The following RSRC1 variants were observed in gnomAD, a reference collection of about 807,000 sequenced individuals.
RSRC1 encodes the protein arginine and serine rich coiled-coil 1.
A neutral mutation model predicts 49.1 loss-of-function variants in RSRC1; 39 were observed. The observed-to-expected ratio is 0.79, with a 90% CI of 0.61 to 1.04. The LOEUF (loss-of-function observed/expected upper bound fraction) is 1.04, where lower values mean the gene tolerates loss of function less well. Ranked by LOEUF, RSRC1 falls within the 50% of genes least tolerant of loss-of-function variation. RSRC1 has a pLI of 0.00. For synonymous variants in RSRC1, 143 were observed against 130.8 expected, an observed-to-expected ratio of 1.09 and a Z score of -0.63; for missense variants, 388 against 402.4, an observed-to-expected ratio of 0.96 and a Z score of 0.31.
chr3:158,422,160 G>T (rs1735101331), intron 6 of RSRC1, among the ~76,000 whole-genome samples: 1 of 150,720 alleles, frequency 6.6e-6, no homozygotes, highest in African/African-American at 2.4e-5. Context: ...GTGCCATGCT[G>T]GTGCGCTGCA....
At chr3:158,321,816 G>A (rs827120) in intron 5 of RSRC1, among the ~76,000 whole-genome samples, 91,672 of 151,952 alleles carry the variant, frequency 0.6, 27,955 homozygotes, top group East Asian at 0.74. Context: ...ATAAAATGTA[G>A]GAGCTTTGTA....
At chr3:158,301,317 A>C (rs2108123961) in intron 5 of RSRC1, among the ~76,000 whole-genome samples, 1 of 152,246 alleles carries the variant, frequency 6.6e-6, no homozygotes, top group Admixed American at 6.5e-5. Context: ...TGATTGCAAA[A>C]TATAGATTTT....
chr3:158,412,402 G>A (rs1229703916), intron 6 of RSRC1, among the ~76,000 whole-genome samples: 1 of 152,034 alleles, frequency 6.6e-6, no homozygotes, highest in Non-Finnish European at 1.5e-5. Flanking sequence ...TCCTTTTCTT[G>A]GCTAAAATTT....
rs1030198995 is a variant in RSRC1 at position 158,122,220 on chromosome 3, A to G, written c.116A>G (p.Lys39Arg). Residue 39 changes from lysine (K) to arginine (R), a missense_variant, in exon 2 of 10, where the codon AAA becomes AGA. Lys to Arg is a conservative substitution (Grantham distance 26, BLOSUM62 2). Coordinates refer to ENST00000611884, the MANE Select transcript of RSRC1 (RefSeq NM_001271838.2). ...GATAGTAGAACATACAGCCGAAAGA[A>G]AGGAGGAAGGAAATCAAGATCAAAG... ...SSDSRTYSRK[K>R]GGRKSRSKSR... 2 of 1,607,212 alleles carry G rather than the reference A, an allele frequency of 1.2e-6. No individual in the cohort carries two copies. Among genetic ancestry groups the G allele is most frequent in the South Asian group, 1.1e-5 (1 of 90,536 alleles).
At chr3:158,415,295 T>C (rs1008136884) in intron 6 of RSRC1, among the ~76,000 whole-genome samples, 2 of 152,100 alleles carry the variant, frequency 1.3e-5, no homozygotes, top group African/African-American at 4.8e-5. Context: ...TTTTTGTGTG[T>C]GTGAGGAAAT....
At chr3:158,119,172 T>G (rs6803532) in intron 1 of RSRC1, among the ~76,000 whole-genome samples, 98,397 of 151,718 alleles carry the variant, frequency 0.65, 32,172 homozygotes, top group East Asian at 0.83. Context: ...ATCAATTTTT[T>G]TTTTGTTTTT....
rs982376297 is a variant in RSRC1 at position 158,379,237 on chromosome 3, G to T, written c.583+24329G>T. Among the ~76,000 whole-genome samples, 3 of 117,228 alleles carry T rather than the reference G, an allele frequency of 2.6e-5. No individual in the cohort carries two copies. In the East Asian group the frequency reaches 7.5e-4, roughly 29 times the overall value. The allele number at this position is 117,228 out of a possible 152,430, so 76.9% of individuals were successfully genotyped here. On this transcript the variant is annotated intron_variant, in intron 6 of 9. Coordinates refer to ENST00000611884, the MANE Select transcript of RSRC1 (RefSeq NM_001271838.2). ...TTTTTTTGAGACCGAGTCTCGCTCT[G>T]TCGCCCAGGCTGGAGTGCAGTGGCG...
intron 4 of RSRC1, among the ~76,000 whole-genome samples, chr3:158,235,582 G>GTTCGT (rs1723193895): frequency 1.3e-5 from 2 of 152,022 alleles, no homozygotes; most frequent in Non-Finnish European, 2.9e-5. Context: ...AAAATGATGA[G>GTTCGT]TTCATATATA....
intron 7 of RSRC1, among the ~76,000 whole-genome samples, chr3:158,498,424 T>G (rs1216602357): frequency 6.6e-6 from 1 of 152,142 alleles, no homozygotes; most frequent in Non-Finnish European, 1.5e-5. Context: ...TTTGTTTTGT[T>G]TTGTTTTCTT....
At chr3:158,306,438 T>A (rs1294349385) in intron 5 of RSRC1, among the ~76,000 whole-genome samples, 2 of 151,984 alleles carry the variant, frequency 1.3e-5, no homozygotes, top group Non-Finnish European at 2.9e-5. Flanking sequence ...TATTACTATA[T>A]CATTTAAAGC....
chr3:158,147,319 C>T (rs1467796385), intron 3 of RSRC1, among the ~76,000 whole-genome samples: 1 of 151,840 alleles, frequency 6.6e-6, no homozygotes, highest in East Asian at 1.9e-4. Flanking sequence ...CAGCTCACTG[C>T]AACCTTGACC....
At chr3:158,518,238 T>A (rs1740711616) in intron 7 of RSRC1, among the ~76,000 whole-genome samples, 1 of 148,020 alleles carries the variant, frequency 6.8e-6, no homozygotes. Context: ...TGTTCTTGAC[T>A]GGGTTTTAAA....
intron 7 of RSRC1, among the ~76,000 whole-genome samples, chr3:158,526,986 C>G (rs1399897087): frequency 6.7e-6 from 1 of 149,352 alleles, no homozygotes; most frequent in Non-Finnish European, 1.5e-5. Context: ...AAGATGAAAA[C>G]TAGTAAAGAA....
intron 5 of RSRC1, among the ~76,000 whole-genome samples, chr3:158,312,372 TTTG>T (rs1165302450): frequency 6.6e-6 from 1 of 152,092 alleles, no homozygotes; most frequent in Non-Finnish European, 1.5e-5. Context: ...TCAACAAATA[TTTG>T]TTGAGTGTCA....
rs564077432 is a variant in RSRC1, at chr3:158,256,617, A to G, written c.495-41422A>G. The stretch of plus-strand genomic sequence containing the variant: ...GTTAGGGAGGATTCCCTCTTTTTCT[A>G]TTGATTGGAATGGTTTCATAAGGAA... On this transcript the variant is annotated intron_variant, in intron 4 of 9. Transcript: ENST00000611884. Among the ~76,000 whole-genome samples, 56 of 152,090 alleles carry G rather than the reference A, an allele frequency of 3.7e-4. No homozygotes were observed. In the Middle Eastern group the frequency reaches 0.01, roughly 28 times the overall value.
chr3:158,390,234 T>C (rs1009563865), intron 6 of RSRC1, among the ~76,000 whole-genome samples: 5 of 152,128 alleles, frequency 3.3e-5, no homozygotes, highest in Admixed American at 1.3e-4. Context: ...CTATCAAAAG[T>C]CCTTCCATGA....
intron 2 of RSRC1, 62 bp downstream of exon 2, chr3:158,122,360 T>C (rs939080949): frequency 4.1e-6 from 5 of 1,212,494 alleles, no homozygotes; most frequent in Middle Eastern, 2.8e-4. Flanking sequence ...ATTCATGTTT[T>C]TGTATTTTTA....
At chr3:158,244,405 A>G (rs1281109621) in intron 4 of RSRC1, among the ~76,000 whole-genome samples, 1 of 152,046 alleles carries the variant, frequency 6.6e-6, no homozygotes, top group African/African-American at 2.4e-5. Context: ...TTAGTTCTGC[A>G]TATGTGATTA....
At chr3:158,311,753 T>TA (rs1728143312) in intron 5 of RSRC1, among the ~76,000 whole-genome samples, 1 of 152,126 alleles carries the variant, frequency 6.6e-6, no homozygotes, top group East Asian at 1.9e-4. Flanking sequence ...AGGTAATAGA[T>TA]ATGTTAATTA....
Sources: allele counts gnomAD v4.1 joint callset (sites outside exome capture counted in the v4.1 genomes callset), GRCh38; gene constraint gnomAD v4.1.1; transcripts MANE v1.5; gene names NCBI Gene and HGNC (gene_info 2026-07-23, HGNC 2026-07-21).